Variants in ZSWIM5 observed in about 807,000 individuals in gnomAD.
The protein encoded by ZSWIM5 is zinc finger SWIM-type containing 5.
In ZSWIM5, 55 loss-of-function variants were observed where a neutral mutation model predicts 119.6. That is an observed-to-expected ratio of 0.46 (90% confidence interval 0.37 to 0.58). ZSWIM5 has a LOEUF of 0.58. Among genes scored for constraint, ZSWIM5 ranks in the 20% least tolerant of loss-of-function variants. The pLI, the probability that ZSWIM5 is intolerant of heterozygous loss-of-function variation, is 0.00. For missense variants in ZSWIM5, 1,193 were observed against 1,512.8 expected, an observed-to-expected ratio of 0.79 and a Z score of 3.51; for synonymous variants, 537 against 606.9, an observed-to-expected ratio of 0.88 and a Z score of 1.69.
rs758235271 is a variant in ZSWIM5 at position 45,068,792 on chromosome 1, C to CT, written c.953-8546dup. On this transcript the variant is annotated intron_variant, in intron 2 of 13. Transcript: ENST00000359600. Reference sequence around the variant, plus strand: ...TCACTGTTTTGTTGCTGTTGTATGTCTTTTTTTTTTTTTTTTTTTTTTTTT... The same window carrying CT: ...TCACTGTTTTGTTGCTGTTGTATGTCTTTTTTTTTTTTTTTTTTTTTTTTTT... Among the ~76,000 whole-genome samples the CT allele has an allele frequency of 2.6e-3, 122 of 46,756 alleles. 15 individuals are homozygous for CT. The highest frequency in any genetic ancestry group is 8.8e-3 in the East Asian group (9 of 1,020). The allele number at this position is 46,756 out of a possible 152,430, so 30.7% of individuals were successfully genotyped here.
chr1:45,040,535 T>C lies in ZSWIM5; in HGVS notation c.1613A>G (p.His538Arg). The change falls in exon 7 of 14, where the codon CAT (histidine) becomes CGT (arginine). Residue 538 changes from histidine to arginine, a missense_variant. Physicochemically the swap from His to Arg is conservative, Grantham distance 29 (BLOSUM62 0). Around this residue, in one of 2 missense-constraint regions of ZSWIM5, gnomAD observed 961 missense variants for 1,290.0 expected, o/e 0.74. Transcript: ENST00000359600. ...AACTCGAGCACAGGCTGTAGGCACATGCTCTACCAAGTAAGAAGAAGATAT... is the reference window on the plus strand; with the variant it reads ...AACTCGAGCACAGGCTGTAGGCACACGCTCTACCAAGTAAGAAGAAGATAT... Reference protein sequence around the residue: ...NSQGQPLWLEHVPTACARVDA... With the variant: ...NSQGQPLWLERVPTACARVDA... 1 of 1,587,182 alleles carries C rather than the reference T, an allele frequency of 6.3e-7. No individual in the cohort carries two copies. The highest frequency in any genetic ancestry group is 8.5e-7 in the Non-Finnish European group (1 of 1,171,162).
chr1:45,055,077 G>A (rs548541536), intron 4 of ZSWIM5, among the ~76,000 whole-genome samples: 7 of 152,164 alleles, frequency 4.6e-5, no homozygotes, highest in South Asian at 2.1e-4. Context: ...CTGCAAGCTC[G>A]CCTCCCGGGT....
At chr1:45,180,400 G>A (rs1326775874) in intron 1 of ZSWIM5, among the ~76,000 whole-genome samples, 4 of 152,188 alleles carry the variant, frequency 2.6e-5, no homozygotes, top group African/African-American at 9.6e-5. Context: ...CCATTGCCCA[G>A]GCTTGCTTAG....
At chr1:45,187,544 G>GCTAT (rs1557793426) in intron 1 of ZSWIM5, among the ~76,000 whole-genome samples, 1 of 151,878 alleles carries the variant, frequency 6.6e-6, no homozygotes, top group East Asian at 1.9e-4. Flanking sequence ...TGGTTTCTTA[G>GCTAT]CTATACTATC....
intron 1 of ZSWIM5, among the ~76,000 whole-genome samples, chr1:45,092,372 C>T (rs1645371141): frequency 6.6e-6 from 1 of 152,162 alleles, no homozygotes; most frequent in South Asian, 2.1e-4. Flanking sequence ...ACTCAGCTCA[C>T]TGCAACCTCC....
At chr1:45,179,755 C>A (rs1449088378) in intron 1 of ZSWIM5, among the ~76,000 whole-genome samples, 1 of 152,094 alleles carries the variant, frequency 6.6e-6, no homozygotes, top group East Asian at 1.9e-4. Flanking sequence ...TATGTCCACA[C>A]CCTAACATCC....
intron 1 of ZSWIM5, among the ~76,000 whole-genome samples, chr1:45,128,392 T>C (rs1332832274): frequency 2.0e-5 from 3 of 152,120 alleles, no homozygotes; most frequent in African/African-American, 7.2e-5. Flanking sequence ...AGAGACAGGG[T>C]CTCATTATGT....
At chr1:45,179,777 A>T (rs2149048273) in intron 1 of ZSWIM5, among the ~76,000 whole-genome samples, 1 of 152,268 alleles carries the variant, frequency 6.6e-6, no homozygotes, top group East Asian at 1.9e-4. Flanking sequence ...GAACCTGACA[A>T]AAGGGACTTT....
At chr1:45,030,438 G>C (rs1373476636) in intron 11 of ZSWIM5, among the ~76,000 whole-genome samples, 1 of 152,000 alleles carries the variant, frequency 6.6e-6, no homozygotes, top group African/African-American at 2.4e-5. Context: ...GTACAGACAG[G>C]GTTTTGCCAT....
intron 2 of ZSWIM5, among the ~76,000 whole-genome samples, chr1:45,066,357 A>C (rs1645184039): frequency 6.6e-6 from 1 of 152,208 alleles, no homozygotes. Flanking sequence ...AATGGTAAAC[A>C]AAGCAGATAC....
chr1:45,150,130 A>G (rs539278958), intron 1 of ZSWIM5, among the ~76,000 whole-genome samples: 4 of 149,734 alleles, frequency 2.7e-5, no homozygotes, highest in Non-Finnish European at 5.9e-5. Context: ...TGATCACACT[A>G]CTGCATTCCA....
At chr1:45,021,146 C>T (rs991987165) in intron 11 of ZSWIM5, among the ~76,000 whole-genome samples, 2 of 152,126 alleles carry the variant, frequency 1.3e-5, no homozygotes, top group African/African-American at 4.8e-5. Context: ...CACCATTCTC[C>T]TGCCTCAGCC....
At chr1:45,040,674 C>A (rs1645013509) in intron 6 of ZSWIM5, 136 bp from the exon 7 acceptor site, 1 of 673,878 alleles carries the variant, frequency 1.5e-6, no homozygotes, top group Non-Finnish European at 2.3e-6. Flanking sequence ...GGAACTGTGT[C>A]TTTATCTTTA....
At chr1:45,149,254 A>G (rs1279287413) in intron 1 of ZSWIM5, among the ~76,000 whole-genome samples, 2 of 152,228 alleles carry the variant, frequency 1.3e-5, no homozygotes, top group African/African-American at 4.8e-5. Flanking sequence ...ACAGAGCAAG[A>G]CCTTGTCTCT....
At chr1:45,113,479 C>T (rs2149024322) in intron 1 of ZSWIM5, among the ~76,000 whole-genome samples, 1 of 152,232 alleles carries the variant, frequency 6.6e-6, no homozygotes, top group Admixed American at 6.5e-5. Flanking sequence ...ACTGGGACTG[C>T]AGGTACATGC....
At chr1:45,118,980 AT>A (rs1242025995) in intron 1 of ZSWIM5, among the ~76,000 whole-genome samples, 6 of 152,130 alleles carry the variant, frequency 3.9e-5, no homozygotes, top group African/African-American at 1.2e-4. Flanking sequence ...AAGAATTAAA[AT>A]GTCATGTATA....
chr1:45,081,975 C>A (rs1238304034), intron 2 of ZSWIM5, among the ~76,000 whole-genome samples: 24 of 152,180 alleles, frequency 1.6e-4, no homozygotes, highest in Admixed American at 1.2e-3. Flanking sequence ...TCATTTTGTT[C>A]TGTACTAAGA....
chr1:45,092,466 T>C (rs2149013509), intron 1 of ZSWIM5, among the ~76,000 whole-genome samples: 1 of 151,784 alleles, frequency 6.6e-6, no homozygotes, highest in South Asian at 2.1e-4. Flanking sequence ...CTGGCTACTT[T>C]TTGTATTTTT....
Position 45,072,050 on chromosome 1 carries a change from C to T in ZSWIM5, c.953-11803G>A, listed in dbSNP as rs188691881. On this transcript the variant is annotated intron_variant, in intron 2 of 13. Coordinates refer to ENST00000359600, the MANE Select transcript of ZSWIM5 (RefSeq NM_020883.2). The surrounding 1 kb of genome is among the most constrained non-coding windows in gnomAD (Gnocchi z 4.1). The stretch of plus-strand genomic sequence containing the variant: ...AATTTACTTTGCCACCAACAGTGTA[C>T]GAGGGTTCCCTTTTCTCCACATCCT... 6.6e-5 allele frequency among the ~76,000 whole-genome samples: 10 copies of T among 152,160 alleles called. No individual in the cohort carries two copies. Among genetic ancestry groups the T allele is most frequent in the Admixed American group, 2.0e-4 (3 of 15,280 alleles).
Sources: allele counts gnomAD v4.1 joint callset (sites outside exome capture counted in the v4.1 genomes callset), GRCh38; gene constraint gnomAD v4.1.1; regional missense constraint gnomAD v4.1.1; non-coding constraint Gnocchi (gnomAD v3.1); transcripts MANE v1.5; gene names NCBI Gene and HGNC (gene_info 2026-07-23, HGNC 2026-07-21).